The following LRP1B variants were observed in gnomAD, a reference collection of about 807,000 sequenced individuals.
The protein encoded by LRP1B is low-density lipoprotein receptor-related protein 1B.
In LRP1B, 217 loss-of-function variants were observed where a neutral mutation model predicts 556.6. The observed-to-expected ratio is 0.39, with a 90% CI of 0.35 to 0.44. The LOEUF (loss-of-function observed/expected upper bound fraction) is 0.44. Ranked by LOEUF, LRP1B falls within the 20% of genes least tolerant of loss-of-function variation. The pLI, the probability that LRP1B is intolerant of heterozygous loss-of-function variation, is 1.00. For missense variants in LRP1B, 5,053 were observed against 5,620.8 expected, an observed-to-expected ratio of 0.90 and a Z score of 3.23; for synonymous variants, 2,047 against 1,865.8, an observed-to-expected ratio of 1.10 and a Z score of -2.50.
At chr2:141,722,925 G>A (rs1033834915) in intron 2 of LRP1B, among the ~76,000 whole-genome samples, 5 of 152,162 alleles carry the variant, frequency 3.3e-5, no homozygotes, top group Admixed American at 1.3e-4. Context: ...CCATGATGCA[G>A]ATTACCATAT....
At chr2:141,215,780 A>G (rs935243367) in intron 6 of LRP1B, among the ~76,000 whole-genome samples, 1 of 152,156 alleles carries the variant, frequency 6.6e-6, no homozygotes, top group Non-Finnish European at 1.5e-5. Context: ...AGCATTCAAG[A>G]TGTGTCCTGG....
chr2:140,454,499 T>G (rs1687017425), intron 62 of LRP1B, among the ~76,000 whole-genome samples: 1 of 152,154 alleles, frequency 6.6e-6, no homozygotes, highest in African/African-American at 2.4e-5. Context: ...TACCTCCTCC[T>G]TTTTTGTTGT....
chr2:140,960,479 G>A (rs561158616), intron 18 of LRP1B, among the ~76,000 whole-genome samples: 27 of 151,820 alleles, frequency 1.8e-4, no homozygotes, highest in Admixed American at 1.6e-3. Context: ...AGTGTGAAGC[G>A]TTAGATGTCA....
intron 7 of LRP1B, among the ~76,000 whole-genome samples, chr2:141,064,236 A>T (rs1473166706): frequency 6.6e-6 from 1 of 151,808 alleles, no homozygotes; most frequent in African/African-American, 2.4e-5. Context: ...AAGCAAAAAA[A>T]AGAAGGATAT....
At chr2:141,787,607 A>G (rs1474390871) in intron 2 of LRP1B, among the ~76,000 whole-genome samples, 1 of 148,234 alleles carries the variant, frequency 6.7e-6, no homozygotes, top group Non-Finnish European at 1.5e-5. Context: ...CTACAAATAG[A>G]AAAAAAAACA....
intron 3 of LRP1B, among the ~76,000 whole-genome samples, chr2:141,283,353 C>A (rs758615987): frequency 1.3e-5 from 2 of 151,772 alleles, no homozygotes; most frequent in Non-Finnish European, 2.9e-5. Flanking sequence ...AAGTCCAAAA[C>A]TGAGAAAGTA....
At position 140,867,773 on chromosome 2, in the gene LRP1B, G is replaced by A. The variant is rs1446240887; in HGVS notation, c.4396C>T (p.His1466Tyr). 6.2e-7 allele frequency: 1 copy of A among 1,607,734 alleles called. No homozygotes were observed. The highest frequency in any genetic ancestry group is 8.5e-7 in the Non-Finnish European group (1 of 1,176,708). The change falls in exon 27 of 91, where the codon CAT (histidine) becomes TAT (tyrosine). Residue 1466 changes from histidine (H) to tyrosine (Y), a missense_variant. His to Tyr is a moderately conservative substitution (Grantham distance 83). Transcript: ENST00000389484. ...GTNMIEIIRG[H>Y]EYLSHPFAVS... ...GCAAAGGGATGGGAAAGGTATTCAT[G>A]ACCTCGGATGATTTCTATCATGTTT...
At chr2:140,304,521 A>G (rs1558785950) in intron 83 of LRP1B, among the ~76,000 whole-genome samples, 7 of 151,974 alleles carry the variant, frequency 4.6e-5, no homozygotes. Flanking sequence ...TTTCTTGTAA[A>G]TTTGTTTGAG....
At chr2:141,264,595 C>G (rs1218960539) in intron 3 of LRP1B, among the ~76,000 whole-genome samples, 1 of 152,046 alleles carries the variant, frequency 6.6e-6, no homozygotes, top group Non-Finnish European at 1.5e-5. Context: ...TCTGGGACCA[C>G]AAGTGCCCGC....
chr2:140,348,293 T>G (rs766382741), intron 77 of LRP1B, among the ~76,000 whole-genome samples: 13 of 151,966 alleles, frequency 8.6e-5, no homozygotes, highest in Non-Finnish European at 1.8e-4. Flanking sequence ...ACAAAAAGAT[T>G]TAGGAGGCAA....
chr2:140,301,735 T>C (rs1298637445), intron 83 of LRP1B, among the ~76,000 whole-genome samples: 1 of 151,846 alleles, frequency 6.6e-6, no homozygotes, highest in Non-Finnish European at 1.5e-5. Context: ...TAATGTGTAG[T>C]GTTGCTTATA....
At chr2:140,444,534 G>C (rs2105304689) in intron 64 of LRP1B, 29 bp downstream of exon 64, 4 of 1,611,318 alleles carry the variant, frequency 2.5e-6, no homozygotes, top group African/African-American at 1.3e-5. Flanking sequence ...TTAGACTTAT[G>C]TTCATTAGTT....
At chr2:141,623,355 A>C (rs141310621) in intron 2 of LRP1B, among the ~76,000 whole-genome samples, 1 of 152,188 alleles carries the variant, frequency 6.6e-6, no homozygotes, top group Non-Finnish European at 1.5e-5. Flanking sequence ...ATTTGTGGAC[A>C]ATGGTATATA....
At chr2:140,850,774 T>C (rs1211596945) in intron 28 of LRP1B, among the ~76,000 whole-genome samples, 1 of 152,174 alleles carries the variant, frequency 6.6e-6, no homozygotes, top group Non-Finnish European at 1.5e-5. Flanking sequence ...CTTGTATATA[T>C]TTTTCCTATA....
chr2:141,359,848 C>T (rs911810069), intron 3 of LRP1B, among the ~76,000 whole-genome samples: 3 of 142,764 alleles, frequency 2.1e-5, no homozygotes, highest in African/African-American at 5.2e-5. Context: ...TAGCTAATCA[C>T]TTTCAAATTA....
intron 1 of LRP1B, among the ~76,000 whole-genome samples, chr2:141,939,861 T>C (rs975605482): frequency 5.3e-5 from 8 of 152,140 alleles, no homozygotes; most frequent in Non-Finnish European, 1.2e-4. Flanking sequence ...AAACATTTAA[T>C]AGCACAGCAC....
intron 31 of LRP1B, among the ~76,000 whole-genome samples, chr2:140,833,573 T>C (rs1458185539): frequency 1.3e-5 from 2 of 152,236 alleles, no homozygotes; most frequent in Non-Finnish European, 2.9e-5. Context: ...ATACATGCTC[T>C]AGAAACAGCT....
intron 35 of LRP1B, among the ~76,000 whole-genome samples, chr2:140,740,588 A>G (rs1360074349): frequency 6.6e-6 from 1 of 152,086 alleles, no homozygotes; most frequent in African/African-American, 2.4e-5. Flanking sequence ...GTGCACCAAA[A>G]TCTCACAAAT....
chr2:140,406,369 A>G (rs1302422172), intron 66 of LRP1B, among the ~76,000 whole-genome samples: 1 of 152,038 alleles, frequency 6.6e-6, no homozygotes, highest in Non-Finnish European at 1.5e-5. Context: ...AAAAGAAATA[A>G]AGGACATCTA....
Sources: gnomAD v4.1 joint callset for allele counts (sites outside exome capture counted in the v4.1 genomes callset) on GRCh38, gnomAD v4.1.1 for gene constraint, MANE v1.5 for transcripts, NCBI Gene and HGNC (gene_info 2026-07-23, HGNC 2026-07-21) for gene names.